The following OFD1 variants were observed in gnomAD, a reference collection of about 807,000 sequenced individuals.
The protein encoded by OFD1 is OFD1 centriole and centriolar satellite protein.
Under a neutral mutation model 81.4 loss-of-function variants are expected in OFD1, and 12 were observed. The observed-to-expected ratio is 0.15, with a 90% CI of 0.09 to 0.24. The LOEUF (loss-of-function observed/expected upper bound fraction) is 0.24. OFD1 is among the 10% of genes least tolerant of loss of function. The pLI is 1.00. For synonymous variants in OFD1, 256 were observed against 263.7 expected, an observed-to-expected ratio of 0.97 and a Z score of 0.28; for missense variants, 685 against 733.9, an observed-to-expected ratio of 0.93 and a Z score of 0.77.
At chrX:13,755,973 C>G (rs1191355115) in intron 12 of OFD1, among the ~76,000 whole-genome samples, 1 of 40,247 alleles carries the variant, frequency 2.5e-5, no homozygotes, top group Non-Finnish European at 4.1e-5. Flanking sequence ...TTTTTTGAGA[C>G]AGAGTCTTGT....
upstream of OFD1, among the ~76,000 whole-genome samples, chrX:13,732,419 G>T (rs1459790419): frequency 3.6e-5 from 4 of 112,631 alleles, no homozygotes; most frequent in African/African-American, 1.3e-4. Flanking sequence ...AAGGGACTTG[G>T]CTAGGGATGG....
At chrX:13,735,153 G>T in intron 1 of OFD1, 70 bp downstream of exon 1, 2 of 1,199,891 alleles carry the variant, frequency 1.7e-6, no homozygotes, top group South Asian at 1.8e-5. Context: ...TTCGCCGCTA[G>T]GCCTCTTATG....
Position 13,767,247 on chromosome X carries a change from G to A in OFD1, c.2720G>A (p.Arg907Lys). 1 of 1,211,390 alleles carries A rather than the reference G, an allele frequency of 8.3e-7. No homozygotes were observed. Reference sequence around the variant, plus strand: ...AGTAACCTACAAGAAGTTTTAGAAAGGGAACGAAGAGAACTAGAAAAACTG... The same window carrying A: ...AGTAACCTACAAGAAGTTTTAGAAAAGGAACGAAGAGAACTAGAAAAACTG... ...RQSNLQEVLE[R>K]ERRELEKLYQ... The change falls in exon 20 of 23, where the codon AGG (arginine) becomes AAG (lysine). Residue 907 changes from arginine (R) to lysine (K), a missense_variant. Physicochemically the swap from Arg to Lys is conservative, Grantham distance 26 (BLOSUM62 2). Transcript: ENST00000340096.
At chrX:13,732,782 A>G (rs16999057), upstream of OFD1, among the ~76,000 whole-genome samples, 1,627 of 112,981 alleles carry the variant, frequency 0.014, 31 homozygotes, top group African/African-American at 0.049. Flanking sequence ...AATGCAAGAT[A>G]AAACTCATGG....
chrX:13,771,357 G>A (rs1017332029), downstream of OFD1: 2 of 106,797 alleles, frequency 1.9e-5, no homozygotes, highest in Admixed American at 2.1e-4. Flanking sequence ...TGGAACAACT[G>A]TTCTACACAG....
At chrX:13,722,246 A>T in the OFD1 span, 1 of 103,192 alleles carries the variant, frequency 9.7e-6, no homozygotes, top group Non-Finnish European at 2.0e-5. Context: ...CAAAAGCAGC[A>T]GCAGAAGGAA....
chrX:13,760,046 T>C, intron 15 of OFD1, 69 bp from the exon 16 acceptor site: 1 of 1,178,307 alleles, frequency 8.5e-7, no homozygotes, highest in Non-Finnish European at 1.2e-6. Flanking sequence ...AAAAAAATAA[T>C]ATTCTCAAGT....
At chrX:13,716,541 A>G in the OFD1 span, 1 of 1,211,912 alleles carries the variant, frequency 8.3e-7, no homozygotes, top group South Asian at 1.8e-5. Flanking sequence ...TATGCCCCGC[A>G]GTGACAAATG....
intron 6 of OFD1, among the ~76,000 whole-genome samples, chrX:13,745,634 C>T (rs924933088): frequency 5.4e-5 from 6 of 111,976 alleles, no homozygotes; most frequent in African/African-American, 1.9e-4. Flanking sequence ...TCTACTTCTG[C>T]CAGCCTTTTT....
the OFD1 span, among the ~76,000 whole-genome samples, chrX:13,718,713 A>G: frequency 6.7e-4 from 75 of 112,677 alleles, no homozygotes; most frequent in East Asian, 0.017. Flanking sequence ...GAAAAATACC[A>G]TATATTATGC....
intron 15 of OFD1, among the ~76,000 whole-genome samples, chrX:13,758,695 G>A (rs2047809235): frequency 9.0e-6 from 1 of 111,383 alleles, no homozygotes; most frequent in Admixed American, 9.5e-5. Context: ...TAGGAAAGGC[G>A]TGGTGGTAAC....
chrX:13,754,261 G>A (rs1231896002), intron 11 of OFD1, among the ~76,000 whole-genome samples: 2 of 111,304 alleles, frequency 1.8e-5, no homozygotes, highest in African/African-American at 6.5e-5. Context: ...GATTACAGGC[G>A]TGAGCCACCA....
At chrX:13,716,109 ATCTT>A in the OFD1 span, 139 of 1,170,711 alleles carry the variant, frequency 1.2e-4, no homozygotes, top group Non-Finnish European at 1.6e-4. Context: ...TTAAGGCATA[ATCTT>A]TCTTAGAAAT....
chrX:13,770,272 T>C (rs993895221), downstream of OFD1, among the ~76,000 whole-genome samples: 1 of 112,190 alleles, frequency 8.9e-6, no homozygotes, highest in African/African-American at 3.2e-5. Context: ...CAGAAGATAC[T>C]AAGTAGTGTG....
At chrX:13,736,039 C>G (rs2046850190) in intron 2 of OFD1, 2 of 511,875 alleles carry the variant, frequency 3.9e-6, no homozygotes, top group Non-Finnish European at 2.4e-6. Flanking sequence ...ACAGGCTTAT[C>G]TTTGGATATT....
chrX:13,754,977 A>C (rs1321961837), intron 11 of OFD1, among the ~76,000 whole-genome samples, 174 bp from the exon 12 acceptor site: 1 of 112,751 alleles, frequency 8.9e-6, no homozygotes, highest in African/African-American at 3.2e-5. Context: ...TGACAGTTAC[A>C]GCTTCACATC....
intron 5 of OFD1, among the ~76,000 whole-genome samples, chrX:13,740,648 C>A (rs1338289160): frequency 9.2e-6 from 1 of 108,678 alleles, no homozygotes; most frequent in African/African-American, 3.4e-5. Flanking sequence ...CAAAAATTAG[C>A]CAGGCGTGGT....
chrX:13,764,103 A>G, intron 19 of OFD1, among the ~76,000 whole-genome samples: 2 of 111,931 alleles, frequency 1.8e-5, no homozygotes, highest in East Asian at 5.6e-4. Context: ...TAGGCTTCCC[A>G]GGCCAGTTGC....
At chrX:13,734,718 T>A, upstream of OFD1, 1 of 1,001,892 alleles carries the variant, frequency 1.0e-6, no homozygotes. Flanking sequence ...TCGGGAAGGC[T>A]ATATTTAGCA....
Sources: allele counts gnomAD v4.1 joint callset (sites outside exome capture counted in the v4.1 genomes callset), GRCh38; gene constraint gnomAD v4.1.1; transcripts MANE v1.5; gene names NCBI Gene and HGNC (gene_info 2026-07-23, HGNC 2026-07-21).